The following ANXA13 variants were observed in gnomAD, a reference collection of about 807,000 sequenced individuals.
ANXA13 encodes the protein annexin A13, also known as annexin XIII.
Under a neutral mutation model 46.6 loss-of-function variants are expected in ANXA13, and 36 were observed. The ratio of observed to expected loss-of-function variants is 0.77; its 90% CI spans 0.59 to 1.02. The LOEUF (loss-of-function observed/expected upper bound fraction) is 1.02. Ranked by LOEUF, ANXA13 falls within the 50% of genes least tolerant of loss-of-function variation. The pLI, the probability that ANXA13 is intolerant of heterozygous loss-of-function variation, is 0.00. For synonymous variants in ANXA13, 163 were observed against 152.9 expected, an observed-to-expected ratio of 1.07 and a Z score of -0.49; for missense variants, 417 against 396.5, an observed-to-expected ratio of 1.05 and a Z score of -0.44.
intron 1 of ANXA13, among the ~76,000 whole-genome samples, chr8:123,723,741 A>G (rs1813931159): frequency 6.6e-6 from 1 of 152,174 alleles, no homozygotes; most frequent in Admixed American, 6.5e-5. Context: ...AGAGTCTTCT[A>G]TCAGATCTTT....
Position 123,681,256 on chromosome 8 carries a change from A to G in ANXA13, c.935T>C (p.Val312Ala). ...DTSGDFRKLLVALLH is the reference protein window; with the variant it reads ...DTSGDFRKLLAALLH ...TGGCTTGGCTCAGTGCAAGAGGGCTACTAGCAGTTTCCGGAAGTCCCCGGA... is the reference window on the plus strand; with the variant it reads ...TGGCTTGGCTCAGTGCAAGAGGGCTGCTAGCAGTTTCCGGAAGTCCCCGGA... Residue 312 changes from valine to alanine, a missense_variant, in exon 11 of 11, where the codon GTA becomes GCA. By Grantham distance (64) the Val-to-Ala change is moderately conservative. Coordinates refer to ENST00000419625, the MANE Select transcript of ANXA13 (RefSeq NM_004306.4). The G allele has an allele frequency of 6.2e-7, 1 of 1,613,974 alleles. No individual in the cohort carries two copies. Among genetic ancestry groups the G allele is most frequent in the Non-Finnish European group, 8.5e-7 (1 of 1,179,904 alleles).
At chr8:123,681,380 A>T (rs1586307406) in intron 10 of ANXA13, 21 bp from the exon 11 acceptor site, 1 of 1,610,124 alleles carries the variant, frequency 6.2e-7, no homozygotes, top group Admixed American at 1.7e-5. Context: ...AATAACAGCA[A>T]TGGAGATAAG....
At position 123,724,797 on chromosome 8, in the gene ANXA13, T is replaced by A. The variant is rs546662973; in HGVS notation, c.16-12044A>T. ...TAGTGGATCTTTCACACTCGTCTAA[T>A]CCAGGGGTTGGCAAACTGCAGACTG... On this transcript the variant is annotated intron_variant, in intron 1 of 10. Coordinates refer to ENST00000419625, the MANE Select transcript of ANXA13 (RefSeq NM_004306.4). Among the ~76,000 whole-genome samples, 11 of 152,344 alleles carry A rather than the reference T, an allele frequency of 7.2e-5. No homozygotes were observed. The South Asian group carries it at 2.1e-3, about 29-fold the overall frequency.
chr8:123,717,786 A>C (rs1813783890), intron 1 of ANXA13, among the ~76,000 whole-genome samples: 1 of 152,178 alleles, frequency 6.6e-6, no homozygotes, highest in Non-Finnish European at 1.5e-5. Context: ...CGACTTTCTG[A>C]CGGGGCGTGT....
chr8:123,704,462 G>A (rs1341775511), intron 2 of ANXA13, among the ~76,000 whole-genome samples: 1 of 146,510 alleles, frequency 6.8e-6, no homozygotes, highest in Non-Finnish European at 1.5e-5. Flanking sequence ...AGAGCGCAGT[G>A]GCATGATCAC....
At chr8:123,696,143 A>T (rs1333986079) in intron 4 of ANXA13, among the ~76,000 whole-genome samples, 1 of 152,158 alleles carries the variant, frequency 6.6e-6, no homozygotes, top group Non-Finnish European at 1.5e-5. Flanking sequence ...GTGCTACTGA[A>T]AACAGAATTG....
At chr8:123,694,274 C>A (rs1813293156) in intron 6 of ANXA13, among the ~76,000 whole-genome samples, 1 of 152,160 alleles carries the variant, frequency 6.6e-6, no homozygotes, top group South Asian at 2.1e-4. Context: ...TGAGGAGATG[C>A]CACTCCTGTG....
At chr8:123,712,782 G>A (rs760022262) in intron 1 of ANXA13, 29 bp from the exon 2 acceptor site, 2 of 1,591,798 alleles carry the variant, frequency 1.3e-6, no homozygotes, top group Non-Finnish European at 8.6e-7. Context: ...AAGGTGAGAT[G>A]ACAATATACG....
At chr8:123,732,617 A>G (rs138527201) in intron 1 of ANXA13, among the ~76,000 whole-genome samples, 254 of 150,654 alleles carry the variant, frequency 1.7e-3, no homozygotes, top group African/African-American at 5.7e-3. Flanking sequence ...TCTTCCTTCT[A>G]TCAGTGTATC....
At chr8:123,695,011 G>T (rs534275535) in intron 6 of ANXA13, among the ~76,000 whole-genome samples, 1 of 151,698 alleles carries the variant, frequency 6.6e-6, no homozygotes, top group Admixed American at 6.6e-5. Flanking sequence ...GTCCCAGCAG[G>T]GCCAATTCTG....
Position 123,688,918 on chromosome 8 carries a change from A to G in ANXA13, c.671T>C (p.Ile224Thr). 6.2e-7 allele frequency: 1 copy of G among 1,613,856 alleles called. No homozygotes were observed. Among genetic ancestry groups the G allele is most frequent in the Non-Finnish European group, 8.5e-7 (1 of 1,179,848 alleles). The change falls in exon 9 of 11, where the codon ATT becomes ACT. Residue 224 changes from isoleucine (I) to threonine (T), a missense_variant. Ile to Thr is a moderately conservative substitution (Grantham distance 89). Transcript: ENST00000419625. The part of the protein sequence containing the change: ...ILIGKDIEEA[I>T]EEETSGDLQK... ...CAAGTCGCCTGATGTTTCTTCTTCA[A>G]TGGCTTCTTCTATGTCTTTGCCAAT...
intron 1 of ANXA13, among the ~76,000 whole-genome samples, chr8:123,725,029 G>C (rs1442339938): frequency 6.6e-6 from 1 of 152,086 alleles, no homozygotes; most frequent in East Asian, 1.9e-4. Context: ...ATGTAAACAG[G>C]TCCTTTTTTA....
At chr8:123,707,960 G>A (rs775785486) in intron 2 of ANXA13, among the ~76,000 whole-genome samples, 13 of 152,170 alleles carry the variant, frequency 8.5e-5, no homozygotes, top group Non-Finnish European at 1.3e-4. Flanking sequence ...CAACCTGGAC[G>A]TCGGGGGAGG....
intron 10 of ANXA13, among the ~76,000 whole-genome samples, chr8:123,683,348 C>A (rs184693353): frequency 6.6e-6 from 1 of 151,536 alleles, no homozygotes; most frequent in Non-Finnish European, 1.5e-5. Context: ...AGATGTTAAG[C>A]ATTATTTGTT....
chr8:123,694,256 T>C (rs1260862131), intron 6 of ANXA13, among the ~76,000 whole-genome samples: 2 of 152,154 alleles, frequency 1.3e-5, no homozygotes, highest in South Asian at 2.1e-4. Flanking sequence ...GGGTGAGAGC[T>C]ATGAATGTGA....
intron 2 of ANXA13, among the ~76,000 whole-genome samples, chr8:123,708,415 G>A (rs1235664250): frequency 6.6e-6 from 1 of 152,218 alleles, no homozygotes. Flanking sequence ...GGGCTGTGGT[G>A]GAGGCTCAGC....
intron 1 of ANXA13, chr8:123,729,122 T>A (rs536768653): frequency 6.6e-6 from 1 of 152,176 alleles, no homozygotes; most frequent in Non-Finnish European, 1.5e-5. Context: ...GGTAGGTCCA[T>A]GACCCAAGCC....
At chr8:123,681,641 G>C (rs1275214808) in intron 10 of ANXA13, among the ~76,000 whole-genome samples, 2 of 54,862 alleles carry the variant, frequency 3.6e-5, no homozygotes, top group African/African-American at 1.4e-4. Flanking sequence ...TTTTTTTTTT[G>C]AGACAGAGCT....
chr8:123,712,617 G>T, intron 2 of ANXA13, 61 bp downstream of exon 2: 1 of 1,414,402 alleles, frequency 7.1e-7, no homozygotes, highest in Non-Finnish European at 1.0e-6. Context: ...TGGGGAAGTT[G>T]GACATGAGAC....
Sources: allele counts gnomAD v4.1 joint callset (sites outside exome capture counted in the v4.1 genomes callset), GRCh38; gene constraint gnomAD v4.1.1; transcripts MANE v1.5; gene names NCBI Gene and HGNC (gene_info 2026-07-23, HGNC 2026-07-21).